Variants in GSTCD observed in about 807,000 individuals in gnomAD.
GSTCD encodes the protein glutathione S-transferase C-terminal domain containing, also known as glutathione S-transferase C-terminal domain-containing protein.
A neutral mutation model predicts 68.3 loss-of-function variants in GSTCD; 44 were observed. The ratio of observed to expected loss-of-function variants is 0.64; its 90% CI spans 0.51 to 0.83. GSTCD has a LOEUF of 0.83. Ranked by LOEUF, GSTCD falls within the 40% of genes least tolerant of loss-of-function variation. GSTCD has a pLI of 0.00. For synonymous variants in GSTCD, 273 were observed against 255.2 expected, an observed-to-expected ratio of 1.07 and a Z score of -0.67; for missense variants, 739 against 735.9, an observed-to-expected ratio of 1.00 and a Z score of -0.05.
intron 5 of GSTCD, among the ~76,000 whole-genome samples, chr4:105,784,522 C>A (rs999986765): frequency 6.6e-6 from 1 of 152,206 alleles, no homozygotes; most frequent in East Asian, 1.9e-4. Context: ...ATTAAACTTA[C>A]AACACATGAA....
At chr4:105,836,751 C>T (rs539892602) in intron 9 of GSTCD, among the ~76,000 whole-genome samples, 3 of 152,200 alleles carry the variant, frequency 2.0e-5, no homozygotes, top group Admixed American at 1.3e-4. Flanking sequence ...ACTACCACTT[C>T]CTGTCTTTTT....
At chr4:105,781,059 T>C (rs1028757039) in intron 5 of GSTCD, among the ~76,000 whole-genome samples, 12 of 152,160 alleles carry the variant, frequency 7.9e-5, no homozygotes, top group African/African-American at 2.9e-4. Context: ...ATCATAATAT[T>C]TACCTCACAT....
At chr4:105,754,072 G>T (rs1191579741) in intron 5 of GSTCD, among the ~76,000 whole-genome samples, 9 of 152,028 alleles carry the variant, frequency 5.9e-5, no homozygotes, top group African/African-American at 2.2e-4. Context: ...CATTACGATT[G>T]AAATTGGCAT....
At position 105,710,232 on chromosome 4, in the gene GSTCD, A is replaced by ATTTTTTTTT. The variant is rs761574598; in HGVS notation, c.-22+1231_-22+1239dup. On this transcript the variant is annotated intron_variant, in intron 1 of 11. Coordinates refer to ENST00000515279, the MANE Select transcript of GSTCD (RefSeq NM_001370181.1). Reference sequence around the variant, plus strand: ...AGCTTCTGTAGTAGTGGGCCCATCAATTTTTTTTTTTTTTTTTTTTTTTGA... The same window carrying ATTTTTTTTT: ...AGCTTCTGTAGTAGTGGGCCCATCAATTTTTTTTTTTTTTTTTTTTTTTTTTTTTTTTGA... Among the ~76,000 whole-genome samples, 132 of 85,682 alleles carry ATTTTTTTTT rather than the reference A, an allele frequency of 1.5e-3. 15 individuals carry two copies. Among genetic ancestry groups the ATTTTTTTTT allele is most frequent in the Middle Eastern group, 0.01 (1 of 96 alleles). The allele number at this position is 85,682 out of a possible 152,430, so 56.2% of individuals were successfully genotyped here. A position where few individuals can be genotyped will look rare whatever the true frequency, so the allele number is the denominator to read the frequency against.
intron 5 of GSTCD, among the ~76,000 whole-genome samples, chr4:105,774,402 G>A (rs1200270747): frequency 6.6e-6 from 1 of 152,170 alleles, no homozygotes; most frequent in Non-Finnish European, 1.5e-5. Flanking sequence ...TATGATGCAA[G>A]CCGGTTATTT....
intron 9 of GSTCD, among the ~76,000 whole-genome samples, chr4:105,836,578 C>G (rs1724130449): frequency 6.6e-6 from 1 of 152,116 alleles, no homozygotes; most frequent in Admixed American, 6.5e-5. Context: ...CCTCAGTACC[C>G]CCTTGGTGTC....
At position 105,738,696 on chromosome 4, in the gene GSTCD, T is replaced by C. The variant is rs540577566; in HGVS notation, c.1240+9197T>C. Among the ~76,000 whole-genome samples, 16 of 152,302 alleles carry C rather than the reference T, an allele frequency of 1.1e-4. No homozygotes were observed. The South Asian group carries it at 3.3e-3, about 32-fold the overall frequency. On this transcript the variant is annotated intron_variant, in intron 5 of 11. Transcript: ENST00000515279. Reference sequence around the variant, plus strand: ...GCATGTTGATTTTGTATCCTGCAGTTTGGCTGAAATTGTTTATCAGTTCTA... The same window carrying C: ...GCATGTTGATTTTGTATCCTGCAGTCTGGCTGAAATTGTTTATCAGTTCTA...
intron 3 of GSTCD, among the ~76,000 whole-genome samples, 177 bp from the exon 4 acceptor site, chr4:105,726,402 T>TC (rs1733034342): frequency 6.6e-6 from 1 of 152,158 alleles, no homozygotes; most frequent in Admixed American, 6.6e-5. Context: ...AAGGGAAATT[T>TC]CGGGGGTGAC....
At chr4:105,718,328 G>T (rs1405344926) in intron 2 of GSTCD, among the ~76,000 whole-genome samples, 1 of 152,150 alleles carries the variant, frequency 6.6e-6, no homozygotes, top group Non-Finnish European at 1.5e-5. Flanking sequence ...CTGGGGTAAT[G>T]AGTGAGTTCT....
At chr4:105,833,621 G>A in intron 8 of GSTCD, among the ~76,000 whole-genome samples, 1 of 151,918 alleles carries the variant, frequency 6.6e-6, no homozygotes, top group East Asian at 1.9e-4. Flanking sequence ...GGTGTTTTTT[G>A]TCAAAATCCA....
intron 5 of GSTCD, among the ~76,000 whole-genome samples, chr4:105,780,504 A>G (rs1004930137): frequency 1.3e-5 from 2 of 152,232 alleles, no homozygotes; most frequent in African/African-American, 2.4e-5. Flanking sequence ...TGAGCCATAT[A>G]AGAACTGACT....
At chr4:105,821,837 C>T (rs1326492515) in intron 5 of GSTCD, among the ~76,000 whole-genome samples, 6 of 151,696 alleles carry the variant, frequency 4.0e-5, no homozygotes, top group Admixed American at 6.6e-5. Context: ...AAAATGTTAT[C>T]GCTGAATTAT....
intron 8 of GSTCD, among the ~76,000 whole-genome samples, chr4:105,828,819 T>C (rs1252360981): frequency 6.6e-6 from 1 of 152,076 alleles, no homozygotes; most frequent in East Asian, 1.9e-4. Context: ...GGGACTGAAA[T>C]CGTGTTTAAT....
At chr4:105,786,781 C>T (rs1306451135) in intron 5 of GSTCD, among the ~76,000 whole-genome samples, 3 of 152,068 alleles carry the variant, frequency 2.0e-5, no homozygotes, top group South Asian at 2.1e-4. Context: ...AAATCAAAAC[C>T]GTAATGAGAT....
At chr4:105,723,825 G>T (rs1440208530) in intron 3 of GSTCD, among the ~76,000 whole-genome samples, 1 of 151,652 alleles carries the variant, frequency 6.6e-6, no homozygotes, top group African/African-American at 2.4e-5. Flanking sequence ...CCCTAAATGA[G>T]TGATAAATAG....
chr4:105,830,924 A>T (rs1334405056), intron 8 of GSTCD, among the ~76,000 whole-genome samples: 1 of 152,212 alleles, frequency 6.6e-6, no homozygotes, highest in Non-Finnish European at 1.5e-5. Flanking sequence ...TCCTAGTAGA[A>T]AGATAATAAA....
intron 5 of GSTCD, among the ~76,000 whole-genome samples, chr4:105,750,306 C>G (rs1278549498): frequency 2.0e-5 from 3 of 151,590 alleles, no homozygotes; most frequent in Non-Finnish European, 4.4e-5. Flanking sequence ...ACTAAAAATA[C>G]AAAATTAGCC....
chr4:105,795,724 C>G (rs745502290), intron 5 of GSTCD, among the ~76,000 whole-genome samples: 1 of 152,128 alleles, frequency 6.6e-6, no homozygotes, highest in Non-Finnish European at 1.5e-5. Flanking sequence ...GCCAGTTGTA[C>G]ACATACATGT....
At chr4:105,731,625 G>C (rs1169510219) in intron 5 of GSTCD, among the ~76,000 whole-genome samples, 1 of 152,128 alleles carries the variant, frequency 6.6e-6, no homozygotes, top group Non-Finnish European at 1.5e-5. Flanking sequence ...AAGAGATTTT[G>C]GCCAGAGACA....
Sources: gnomAD v4.1 joint callset for allele counts (sites outside exome capture counted in the v4.1 genomes callset) on GRCh38, gnomAD v4.1.1 for gene constraint, MANE v1.5 for transcripts, NCBI Gene and HGNC (gene_info 2026-07-23, HGNC 2026-07-21) for gene names.